The following RCOR1 variants were observed in gnomAD, a reference collection of about 807,000 sequenced individuals.
RCOR1 encodes REST corepressor.
Under a neutral mutation model 64.0 loss-of-function variants are expected in RCOR1, and 12 were observed. The ratio of observed to expected loss-of-function variants is 0.19; its 90% CI spans 0.12 to 0.30. The LOEUF (loss-of-function observed/expected upper bound fraction) is 0.30, where lower values mean the gene tolerates loss of function less well. Ranked by LOEUF, RCOR1 falls within the 10% of genes least tolerant of loss-of-function variation. The pLI, the probability that RCOR1 is intolerant of heterozygous loss-of-function variation, is 1.00. For synonymous variants in RCOR1, 279 were observed against 227.2 expected (o/e 1.23, Z -2.05); for missense variants, 502 against 621.2 (o/e 0.81, Z 2.04).
intron 4 of RCOR1, among the ~76,000 whole-genome samples, chr14:102,704,077 A>G (rs969703510): frequency 2.0e-5 from 3 of 152,216 alleles, no homozygotes; most frequent in Non-Finnish European, 2.9e-5. Context: ...CCTCTTATCC[A>G]AGAGAGTTGA....
At chr14:102,632,187 G>T (rs1406765847) in intron 2 of RCOR1, among the ~76,000 whole-genome samples, 1 of 148,602 alleles carries the variant, frequency 6.7e-6, no homozygotes, top group Non-Finnish European at 1.5e-5. Context: ...AATTGGCTTT[G>T]AATTTCCTGA....
intron 2 of RCOR1, among the ~76,000 whole-genome samples, chr14:102,608,857 A>T (rs963153924): frequency 6.6e-6 from 1 of 151,512 alleles, no homozygotes; most frequent in Non-Finnish European, 1.5e-5. Flanking sequence ...GAGCCACTAC[A>T]CCTGGCTCAT....
At chr14:102,621,845 G>C (rs4906245) in intron 2 of RCOR1, among the ~76,000 whole-genome samples, 95,250 of 151,918 alleles carry the variant, frequency 0.63, 30,939 homozygotes, top group South Asian at 0.72. Flanking sequence ...ATCTCAGTTG[G>C]TCTCTGATCT....
rs1474588123 is a variant in RCOR1, at chr14:102,592,998, T to G, written c.112T>G (p.Cys38Gly). The G allele has an allele frequency of 2.0e-5, 24 of 1,178,440 alleles. No homozygotes were observed. The highest frequency in any genetic ancestry group is 2.5e-5 in the Non-Finnish European group (24 of 953,726). The allele number at this position is 1,178,440 out of a possible 1,614,324, so 73.0% of individuals were successfully genotyped here. The change falls in exon 1 of 12, where the codon TGC (cysteine) becomes GGC (glycine). Residue 38 changes from cysteine to glycine, a missense_variant. Around this residue, in one of 2 missense-constraint regions of RCOR1, gnomAD observed 242 missense variants for 204.9 expected, o/e 1.18. Transcript: ENST00000262241. ...CGCCTCCGCCGCCGCCTCGGCCGCC[T>G]GCGCCTCGCCAGCCGCCACTGCCGC... ...AAASAAASAA[C>G]ASPAATAASG...
In RCOR1 at chr14:102,656,206, C is replaced by A. The variant is rs142992324; in HGVS notation, c.362-25689C>A. On this transcript the variant is annotated intron_variant, in intron 2 of 11. Coordinates refer to ENST00000262241, the MANE Select transcript of RCOR1 (RefSeq NM_015156.4). ...CCAGACTGGAGTGCAGTGGTGTGAT[C>A]TAGGCTCACTGCAACCTCCACCTCC... 1,802 of 685,810 alleles carry A rather than the reference C, an allele frequency of 2.6e-3. 32 individuals carry two copies. In the African/African-American group the frequency reaches 0.033, roughly 13 times the overall value. 42.5% of individuals were successfully genotyped at this position (685,810 alleles called of 1,614,324 possible). A position where few individuals can be genotyped will look rare whatever the true frequency, so the allele number is the denominator to read the frequency against.
intron 4 of RCOR1, among the ~76,000 whole-genome samples, chr14:102,701,837 C>T (rs950249238): frequency 2.7e-4 from 41 of 152,194 alleles, no homozygotes; most frequent in Non-Finnish European, 8.8e-5. Flanking sequence ...TCGTAATTCT[C>T]GTGCCTCGGC....
At chr14:102,658,670 C>T in intron 2 of RCOR1, 1 of 958,884 alleles carries the variant, frequency 1.0e-6, no homozygotes. Context: ...TTGTCAATAC[C>T]CAGAAACCAA....
intron 2 of RCOR1, among the ~76,000 whole-genome samples, chr14:102,653,972 T>G (rs1233526874): frequency 2.0e-5 from 1 of 49,964 alleles, no homozygotes; most frequent in East Asian, 4.0e-4. Flanking sequence ...TCTTTCTTTC[T>G]TTCTTTCTTT....
intron 9 of RCOR1, 26 bp downstream of exon 9, chr14:102,721,110 G>A (rs768586006): frequency 7.3e-7 from 1 of 1,374,482 alleles, no homozygotes; most frequent in Non-Finnish European, 1.0e-6. Flanking sequence ...CATCATCTTA[G>A]AAGTCATATT....
At chr14:102,681,247 A>G (rs56077850) in intron 2 of RCOR1, among the ~76,000 whole-genome samples, 4,330 of 152,286 alleles carry the variant, frequency 0.028, 207 homozygotes, top group African/African-American at 0.1. Flanking sequence ...TTTAGAATGA[A>G]TAAGTCTGGG....
chr14:102,680,777 C>G (rs1895286117), intron 2 of RCOR1, among the ~76,000 whole-genome samples: 1 of 152,158 alleles, frequency 6.6e-6, no homozygotes. Context: ...TGCACTCCAG[C>G]CTGCGTGACT....
chr14:102,681,769 A>T, intron 2 of RCOR1, 126 bp from the exon 3 acceptor site: 1 of 623,334 alleles, frequency 1.6e-6, no homozygotes, highest in Non-Finnish European at 2.8e-6. Flanking sequence ...CTCTGATGTT[A>T]AGTGTGGGGC....
intron 2 of RCOR1, among the ~76,000 whole-genome samples, chr14:102,635,668 T>C (rs1378764352): frequency 6.6e-6 from 1 of 152,162 alleles, no homozygotes; most frequent in Non-Finnish European, 1.5e-5. Context: ...CATTTTTTTT[T>C]CTAATATTCT....
chr14:102,657,312 G>A (rs976575359), intron 2 of RCOR1: 1 of 985,136 alleles, frequency 1.0e-6, no homozygotes, highest in East Asian at 1.1e-4. Context: ...ATGTCCTCAT[G>A]TTCAAGGAGT....
rs145476965 is a variant in RCOR1, at chr14:102,624,851, T to G, written c.361+31526T>G. On this transcript the variant is annotated intron_variant, in intron 2 of 11. Transcript: ENST00000262241. The stretch of plus-strand genomic sequence containing the variant: ...GAATAGGCAAATAAGGGGGAAACTG[T>G]GGGGGAAAGCCCAATACCTACACTT... 3.8e-3 allele frequency among the ~76,000 whole-genome samples: 582 copies of G among 152,048 alleles called. 4 individuals are homozygous for G. Among genetic ancestry groups the G allele is most frequent in the African/African-American group, 9.1e-3 (378 of 41,480 alleles).
intron 2 of RCOR1, among the ~76,000 whole-genome samples, chr14:102,672,070 C>T (rs955316115): frequency 6.6e-6 from 1 of 152,076 alleles, no homozygotes; most frequent in African/African-American, 2.4e-5. Context: ...TTTATTCAAT[C>T]GGTTGATGGG....
intron 3 of RCOR1, among the ~76,000 whole-genome samples, chr14:102,697,098 G>C (rs369254979): frequency 3.7e-4 from 57 of 152,330 alleles, no homozygotes; most frequent in African/African-American, 1.3e-3. Context: ...CAGGAATACA[G>C]TAAGAGACAA....
chr14:102,654,593 G>A (rs1024477636), intron 2 of RCOR1, among the ~76,000 whole-genome samples: 7 of 152,062 alleles, frequency 4.6e-5, no homozygotes, highest in Admixed American at 6.6e-5. Context: ...GAGGCCAGGC[G>A]CACTAGCTGA....
chr14:102,611,019 G>A (rs1893621572), intron 2 of RCOR1, among the ~76,000 whole-genome samples: 1 of 152,108 alleles, frequency 6.6e-6, no homozygotes, highest in South Asian at 2.1e-4. Context: ...TCAAAATAAG[G>A]TTATTTGAAA....
Sources: gnomAD v4.1 joint callset for allele counts (sites outside exome capture counted in the v4.1 genomes callset) on GRCh38, gnomAD v4.1.1 for gene constraint, gnomAD v4.1.1 regional missense constraint, MANE v1.5 for transcripts, NCBI Gene and HGNC (gene_info 2026-07-23, HGNC 2026-07-21) for gene names.